Variants in RNF180 observed in about 807,000 individuals in gnomAD.
RNF180 encodes the protein ring finger protein 180.
Under a neutral mutation model 59.2 loss-of-function variants are expected in RNF180, and 38 were observed. The observed-to-expected ratio is 0.64, with a 90% CI of 0.50 to 0.84. The LOEUF is 0.84. Among genes scored for constraint, RNF180 ranks in the 40% least tolerant of loss-of-function variants. The pLI is 0.00. For missense variants in RNF180, 705 were observed against 700.9 expected, an observed-to-expected ratio of 1.01 and a Z score of -0.07; for synonymous variants, 262 against 240.3, an observed-to-expected ratio of 1.09 and a Z score of -0.84.
chr5:64,232,423 G>T, intron 5 of RNF180, among the ~76,000 whole-genome samples: 1 of 152,138 alleles, frequency 6.6e-6, no homozygotes, highest in East Asian at 1.9e-4. Context: ...CTGGAGTGTA[G>T]TGGTGTGATC....
chr5:64,300,124 C>A (rs1743084720), intron 5 of RNF180, among the ~76,000 whole-genome samples: 1 of 151,342 alleles, frequency 6.6e-6, no homozygotes, highest in African/African-American at 2.4e-5. Flanking sequence ...TTTGAATACA[C>A]CAAAGAGAAG....
At chr5:64,331,125 T>C (rs373665634) in intron 7 of RNF180, among the ~76,000 whole-genome samples, 2 of 152,244 alleles carry the variant, frequency 1.3e-5, no homozygotes, top group Admixed American at 6.5e-5. Flanking sequence ...CTAGGCCCAC[T>C]CCAAACTCTG....
At chr5:64,361,839 G>C (rs1746264610) in intron 7 of RNF180, among the ~76,000 whole-genome samples, 1 of 151,088 alleles carries the variant, frequency 6.6e-6, no homozygotes, top group African/African-American at 2.4e-5. Context: ...TATATACATT[G>C]ACTATTATGT....
At chr5:64,317,599 C>A (rs7729586) in intron 5 of RNF180, among the ~76,000 whole-genome samples, 4 of 135,964 alleles carry the variant, frequency 2.9e-5, no homozygotes, top group Admixed American at 7.3e-5. Flanking sequence ...CATATTTATA[C>A]ACACACACAC....
chr5:64,229,729 A>G (rs1409149646), intron 5 of RNF180, among the ~76,000 whole-genome samples: 2 of 152,232 alleles, frequency 1.3e-5, no homozygotes, highest in African/African-American at 4.8e-5. Context: ...TAGCATGTGC[A>G]GTTTTCTGAA....
intron 5 of RNF180, among the ~76,000 whole-genome samples, chr5:64,224,647 G>T (rs1260074564): frequency 6.6e-6 from 1 of 152,166 alleles, no homozygotes; most frequent in Non-Finnish European, 1.5e-5. Context: ...TCTGAGAAAA[G>T]AGCACTGACG....
At chr5:64,327,471 C>G (rs570669750) in intron 6 of RNF180, among the ~76,000 whole-genome samples, 1 of 151,822 alleles carries the variant, frequency 6.6e-6, no homozygotes, top group African/African-American at 2.4e-5. Flanking sequence ...TAGCTTTTGG[C>G]GTATTATATT....
intron 5 of RNF180, among the ~76,000 whole-genome samples, chr5:64,241,197 T>A (rs956546226): frequency 1.3e-5 from 2 of 152,326 alleles, no homozygotes; most frequent in African/African-American, 4.8e-5. Context: ...CCAGCCTCCT[T>A]CTTTGCCTGC....
intron 5 of RNF180, among the ~76,000 whole-genome samples, chr5:64,235,979 AAAGACTAATACAGAG>A (rs1742416859): frequency 6.6e-6 from 1 of 152,242 alleles, no homozygotes; most frequent in Non-Finnish European, 1.5e-5. Flanking sequence ...CAGTGTAAGA[AAAGACTAATACAGAG>A]AATTGGTACG....
chr5:64,201,342 T>C lies in RNF180; in HGVS notation c.135+400T>C, dbSNP rs185886794. Among the ~76,000 whole-genome samples, 3 of 152,296 alleles carry C rather than the reference T, an allele frequency of 2.0e-5. No individual in the cohort carries two copies. The East Asian group carries it at 5.8e-4, about 29-fold the overall frequency. On this transcript the variant is annotated intron_variant, in intron 2 of 7. Transcript: ENST00000389100. ...ATATAGGTTTTTTTTGTATTCACTA[T>C]GGGCCTAGAAAAGAAAGTTTATGTG...
At chr5:64,349,593 C>A (rs779897877) in intron 7 of RNF180, among the ~76,000 whole-genome samples, 1 of 151,888 alleles carries the variant, frequency 6.6e-6, no homozygotes, top group Non-Finnish European at 1.5e-5. Flanking sequence ...TTGCCCCCCA[C>A]CACACCATGA....
intron 1 of RNF180, among the ~76,000 whole-genome samples, chr5:64,197,287 AAAC>A (rs1448960134): frequency 1.1e-4 from 16 of 152,234 alleles, no homozygotes; most frequent in Non-Finnish European, 2.4e-4. Flanking sequence ...AGATTTTCAA[AAAC>A]AACACTTTTG....
chr5:64,364,414 G>A (rs1470019035), intron 7 of RNF180, among the ~76,000 whole-genome samples: 1 of 151,726 alleles, frequency 6.6e-6, no homozygotes, highest in African/African-American at 2.4e-5. Flanking sequence ...GAATCCCAGG[G>A]ATAAAGCCTA....
chr5:64,329,739 CATTA>C (rs1744813894), intron 6 of RNF180, among the ~76,000 whole-genome samples: 1 of 152,098 alleles, frequency 6.6e-6, no homozygotes, highest in African/African-American at 2.4e-5. Context: ...ATTACAGGCG[CATTA>C]ATTAGATTCT....
chr5:64,316,583 G>C (rs1223196661), intron 5 of RNF180, among the ~76,000 whole-genome samples: 1 of 152,166 alleles, frequency 6.6e-6, no homozygotes, highest in Non-Finnish European at 1.5e-5. Context: ...TTGTGAAATT[G>C]TCCCTGCATT....
chr5:64,204,400 A>T (rs1751913731), intron 2 of RNF180, among the ~76,000 whole-genome samples: 1 of 152,184 alleles, frequency 6.6e-6, no homozygotes, highest in Non-Finnish European at 1.5e-5. Context: ...GCTGTTTTCA[A>T]ATGACAGTCT....
chr5:64,220,358 C>T (rs958754276), intron 5 of RNF180, among the ~76,000 whole-genome samples: 2 of 151,194 alleles, frequency 1.3e-5, no homozygotes, highest in Admixed American at 1.3e-4. Flanking sequence ...TTTTTCTTAC[C>T]TAATCATTTA....
intron 5 of RNF180, among the ~76,000 whole-genome samples, chr5:64,292,026 C>A (rs1189664285): frequency 6.6e-6 from 1 of 152,038 alleles, no homozygotes; most frequent in Admixed American, 6.6e-5. Context: ...GTTATCAACT[C>A]CTGTATTATT....
At chr5:64,272,875 A>G (rs1360323340) in intron 5 of RNF180, among the ~76,000 whole-genome samples, 2 of 152,044 alleles carry the variant, frequency 1.3e-5, no homozygotes, top group Non-Finnish European at 1.5e-5. Context: ...TGAGTTCAGT[A>G]TGGATGTATT....
Sources: allele counts gnomAD v4.1 joint callset (sites outside exome capture counted in the v4.1 genomes callset), GRCh38; gene constraint gnomAD v4.1.1; transcripts MANE v1.5; gene names NCBI Gene and HGNC (gene_info 2026-07-23, HGNC 2026-07-21).